SLC2A13: variants seen among roughly 807,000 people sequenced by gnomAD.
SLC2A13 encodes the protein solute carrier family 2 member 13.
SLC2A13 carries 32 observed loss-of-function variants against 64.4 expected under a neutral mutation model. The ratio of observed to expected loss-of-function variants is 0.50; its 90% confidence interval spans 0.37 to 0.67. SLC2A13 has a LOEUF of 0.67. Among genes scored for constraint, SLC2A13 ranks in the 30% least tolerant of loss-of-function variants. The pLI, the probability that SLC2A13 is intolerant of heterozygous loss-of-function variation, is 0.00. For synonymous variants in SLC2A13, 338 were observed against 327.1 expected (o/e 1.03, Z -0.36); for missense variants, 743 against 829.2 (o/e 0.90, Z 1.28).
chr12:39,863,209 T>C (rs576067108), intron 6 of SLC2A13, among the ~76,000 whole-genome samples: 1 of 152,264 alleles, frequency 6.6e-6, no homozygotes, highest in African/African-American at 2.4e-5. Flanking sequence ...ATGAGTTAGA[T>C]GATAATACCT....
At chr12:39,855,045 C>T (rs1230028110) in intron 6 of SLC2A13, among the ~76,000 whole-genome samples, 1 of 152,126 alleles carries the variant, frequency 6.6e-6, no homozygotes, top group Non-Finnish European at 1.5e-5. Context: ...GGAAGGTAGG[C>T]AGTAAACTAC....
At chr12:39,790,225 CTTTT>C (rs946341011) in intron 7 of SLC2A13, among the ~76,000 whole-genome samples, 1 of 108,030 alleles carries the variant, frequency 9.3e-6, no homozygotes, top group Non-Finnish European at 2.0e-5. Flanking sequence ...TCTTCTTCTT[CTTTT>C]TTTATTATAC....
intron 4 of SLC2A13, among the ~76,000 whole-genome samples, chr12:39,904,639 G>T (rs540018893): frequency 6.6e-6 from 1 of 152,042 alleles, no homozygotes; most frequent in Non-Finnish European, 1.5e-5. Flanking sequence ...GTCCTATCAC[G>T]TGCCTTCTTC....
At chr12:40,060,695 T>G (rs902547606) in intron 1 of SLC2A13, among the ~76,000 whole-genome samples, 1 of 152,034 alleles carries the variant, frequency 6.6e-6, no homozygotes, top group Non-Finnish European at 1.5e-5. Flanking sequence ...TAGTTTCTAG[T>G]CCAACAGAAA....
intron 7 of SLC2A13, among the ~76,000 whole-genome samples, chr12:39,827,147 C>G (rs1012251777): frequency 1.3e-5 from 2 of 151,840 alleles, no homozygotes; most frequent in Non-Finnish European, 2.9e-5. Context: ...TCCTAACATG[C>G]CTCTATGGAT....
chr12:39,860,551 T>C (rs1943732806), intron 6 of SLC2A13, among the ~76,000 whole-genome samples: 1 of 152,166 alleles, frequency 6.6e-6, no homozygotes, highest in Non-Finnish European at 1.5e-5. Context: ...CCAGCTGATG[T>C]TGGTTCATGG....
At chr12:39,824,647 T>G (rs1445961485) in intron 7 of SLC2A13, among the ~76,000 whole-genome samples, 1 of 152,198 alleles carries the variant, frequency 6.6e-6, no homozygotes, top group East Asian at 1.9e-4. Context: ...ACACTGCTAC[T>G]GCTAAGTGGC....
chr12:39,863,007 A>C (rs1943801843), intron 6 of SLC2A13, among the ~76,000 whole-genome samples: 1 of 152,154 alleles, frequency 6.6e-6, no homozygotes, highest in African/African-American at 2.4e-5. Flanking sequence ...TTAGACTATA[A>C]ATACATACTG....
At chr12:40,064,226 CAA>C (rs1444824288) in intron 1 of SLC2A13, among the ~76,000 whole-genome samples, 1 of 151,900 alleles carries the variant, frequency 6.6e-6, no homozygotes, top group Non-Finnish European at 1.5e-5. Context: ...GCCTGGGTGA[CAA>C]AGAGAGAGTG....
At chr12:39,798,114 G>C (rs1193453518) in intron 7 of SLC2A13, among the ~76,000 whole-genome samples, 1 of 152,194 alleles carries the variant, frequency 6.6e-6, no homozygotes, top group Non-Finnish European at 1.5e-5. Context: ...TATGAGGACA[G>C]CCAAGCTGCC....
intron 4 of SLC2A13, among the ~76,000 whole-genome samples, chr12:39,886,969 T>C (rs960773936): frequency 4.6e-5 from 7 of 152,152 alleles, no homozygotes; most frequent in African/African-American, 1.7e-4. Flanking sequence ...AAATGCAAAC[T>C]TGATTGATAA....
intron 4 of SLC2A13, among the ~76,000 whole-genome samples, chr12:39,900,921 C>T (rs1280796179): frequency 6.6e-6 from 1 of 152,178 alleles, no homozygotes; most frequent in Non-Finnish European, 1.5e-5. Flanking sequence ...AGGCATCACG[C>T]TACCTGACTT....
intron 3 of SLC2A13, among the ~76,000 whole-genome samples, chr12:39,957,227 GAA>G (rs1309182772): frequency 6.6e-6 from 1 of 152,192 alleles, no homozygotes; most frequent in Non-Finnish European, 1.5e-5. Flanking sequence ...ACTAAACACA[GAA>G]GGATTAGATA....
intron 7 of SLC2A13, among the ~76,000 whole-genome samples, chr12:39,793,213 T>C (rs974239730): frequency 1.3e-5 from 2 of 152,130 alleles, no homozygotes; most frequent in African/African-American, 2.4e-5. Context: ...CATTGGACAT[T>C]GAATTAAAGA....
rs112181551 is a variant in SLC2A13 at position 40,021,027 on chromosome 12, C to G, written c.925+7274G>C. Among the ~76,000 whole-genome samples the G allele has an allele frequency of 5.3e-5, 8 of 151,762 alleles. 1 individual carries two copies. Among genetic ancestry groups the G allele is most frequent in the African/African-American group, 1.9e-4 (8 of 41,424 alleles). On this transcript the variant is annotated intron_variant, in intron 3 of 9. Transcript: ENST00000280871. ...AGAGATCTTTGACAAAGTCACAATT[C>G]TTTCTGCATGGATCTTCTTTTATGA...
At chr12:39,989,278 T>C (rs1382404260) in intron 3 of SLC2A13, among the ~76,000 whole-genome samples, 1 of 152,308 alleles carries the variant, frequency 6.6e-6, no homozygotes, top group East Asian at 1.9e-4. Flanking sequence ...GCCACCTCTC[T>C]GACTTTCCTG....
At chr12:39,810,496 T>A (rs1449561626) in intron 7 of SLC2A13, among the ~76,000 whole-genome samples, 2 of 152,152 alleles carry the variant, frequency 1.3e-5, no homozygotes, top group East Asian at 3.9e-4. Flanking sequence ...TTACACTGGC[T>A]AGGATCTCCA....
At chr12:39,768,669 A>ACGT (rs561461189) in intron 7 of SLC2A13, among the ~76,000 whole-genome samples, 7 of 152,056 alleles carry the variant, frequency 4.6e-5, no homozygotes, top group Non-Finnish European at 1.0e-4. Context: ...ATTAAGTTTG[A>ACGT]CGTCTTATAC....
intron 5 of SLC2A13, among the ~76,000 whole-genome samples, chr12:39,867,796 G>A (rs1943946395): frequency 6.6e-6 from 1 of 152,094 alleles, no homozygotes; most frequent in Admixed American, 6.5e-5. Flanking sequence ...CAAATGCCTG[G>A]ATGTACCCCA....
Sources: allele counts gnomAD v4.1 joint callset (sites outside exome capture counted in the v4.1 genomes callset), GRCh38; gene constraint gnomAD v4.1.1; transcripts MANE v1.5; gene names NCBI Gene and HGNC (gene_info 2026-07-23, HGNC 2026-07-21).